Variants in WASL observed in about 807,000 individuals in gnomAD.
WASL encodes the protein WASP like actin nucleation promoting factor, also known as actin nucleation-promoting factor WASL.
In WASL, 20 loss-of-function variants were observed where a neutral mutation model predicts 55.5. The observed-to-expected ratio is 0.36, with a 90% confidence interval of 0.25 to 0.52. The LOEUF is 0.52. Among genes scored for constraint, WASL ranks in the 20% least tolerant of loss-of-function variants. The pLI is 0.92. For missense variants in WASL, 504 were observed against 622.5 expected (o/e 0.81, Z 2.03); for synonymous variants, 249 against 217.6 (o/e 1.14, Z -1.27).
chr7:123,738,851 G>A (rs1178913619), intron 1 of WASL, among the ~76,000 whole-genome samples: 3 of 151,844 alleles, frequency 2.0e-5, no homozygotes, highest in East Asian at 3.9e-4. Flanking sequence ...CACAAAATAC[G>A]GTAACACCAA....
intron 5 of WASL, among the ~76,000 whole-genome samples, chr7:123,702,059 T>C (rs1803599265): frequency 6.6e-6 from 1 of 151,870 alleles, no homozygotes; most frequent in Admixed American, 6.5e-5. Context: ...CTACATTTAA[T>C]TCTTTTTTTT....
In WASL at chr7:123,739,623, T is replaced by C. The variant is rs192049937; in HGVS notation, c.117+8995A>G. Among the ~76,000 whole-genome samples, 489 of 152,314 alleles carry C rather than the reference T, an allele frequency of 3.2e-3. 2 individuals are homozygous for C. Among genetic ancestry groups the C allele is most frequent in the African/African-American group, 0.011 (468 of 41,574 alleles). On this transcript the variant is annotated intron_variant, in intron 1 of 10. Transcript: ENST00000223023. ...GGTTATTGTAAATGTTCTGAGCACA[T>C]TTAAGGAAGGCTAGGCTAAGCTATA...
chr7:123,721,547 G>A (rs555698546), intron 1 of WASL, among the ~76,000 whole-genome samples: 8 of 151,976 alleles, frequency 5.3e-5, no homozygotes, highest in East Asian at 3.9e-4. Flanking sequence ...ACAAACAAAC[G>A]AACAACAACA....
intron 9 of WASL, among the ~76,000 whole-genome samples, chr7:123,689,793 A>T (rs1048695018): frequency 8.5e-6 from 1 of 117,718 alleles, no homozygotes; most frequent in African/African-American, 2.9e-5. Flanking sequence ...GAAAAAAAAA[A>T]TTATAATTAA....
At chr7:123,728,518 T>C (rs1386115859) in intron 1 of WASL, among the ~76,000 whole-genome samples, 3 of 152,096 alleles carry the variant, frequency 2.0e-5, no homozygotes, top group Non-Finnish European at 2.9e-5. Flanking sequence ...TAATGGTATA[T>C]ATCTACTGAC....
At chr7:123,735,381 G>GA (rs35321552) in intron 1 of WASL, among the ~76,000 whole-genome samples, 61,906 of 135,582 alleles carry the variant, frequency 0.46, 13,769 homozygotes, top group South Asian at 0.65. Flanking sequence ...AAAAATGCAG[G>GA]AAAAAAAAAA....
chr7:123,748,678 G>C lies in WASL; in HGVS notation c.57C>G (p.Ser19=). ...PPPRRVTNVG[S]LLLTPQENES... is the part of the protein sequence containing the mutation. ...CGTTCTCCTGCGGGGTGAGCAACAG[G>C]GACCCCACGTTGGTGACCCTCCGCG... The change falls in exon 1 of 11, where the codon TCC becomes TCG. Residue 19 remains serine (S), a synonymous_variant. Transcript: ENST00000223023. 1 of 1,611,464 alleles carries C rather than the reference G, an allele frequency of 6.2e-7. No individual in the cohort carries two copies. The highest frequency in any genetic ancestry group is 8.5e-7 in the Non-Finnish European group (1 of 1,178,858).
At chr7:123,700,208 C>CAA (rs1410787443) in intron 5 of WASL, among the ~76,000 whole-genome samples, 3 of 72,034 alleles carry the variant, frequency 4.2e-5, no homozygotes, top group Non-Finnish European at 8.4e-5. Flanking sequence ...AAAAAAAAAA[C>CAA]AACATTATTT....
At chr7:123,738,874 AGCAAAACAAAAACAAAAAACT>A (rs1031475112) in intron 1 of WASL, among the ~76,000 whole-genome samples, 2 of 152,106 alleles carry the variant, frequency 1.3e-5, no homozygotes, top group African/African-American at 4.8e-5. Context: ...ATAGGTGATG[AGCAAAACAAAAACAAAAAACT>A]GCAAAAAAAA....
chr7:123,694,748 C>T lies in WASL; in HGVS notation c.793G>A (p.Val265Ile). 1 of 1,613,120 alleles carries T rather than the reference C, an allele frequency of 6.2e-7. No individual in the cohort carries two copies. The highest frequency in any genetic ancestry group is 8.5e-7 in the Non-Finnish European group (1 of 1,179,582). The change falls in exon 8 of 11, where the codon GTT becomes ATT. Residue 265 changes from valine (V) to isoleucine (I), a missense_variant. Val to Ile is a conservative substitution (Grantham distance 29). This residue lies in a region of WASL where 17 missense variants were observed against 58.4 expected (regional missense o/e 0.29). Coordinates refer to ENST00000223023, the MANE Select transcript of WASL (RefSeq NM_003941.4). The part of the protein sequence containing the change: ...IYDFIEKTGG[V>I]EAVKNELRRQ... ...CGCAGTTCATTTTTAACAGCTTCAACACCTCCTGTTTTTTCAATAAAGTCA... is the reference window on the plus strand; with the variant it reads ...CGCAGTTCATTTTTAACAGCTTCAATACCTCCTGTTTTTTCAATAAAGTCA...
chr7:123,700,280 G>A (rs1215047722), intron 5 of WASL, among the ~76,000 whole-genome samples: 1 of 150,384 alleles, frequency 6.6e-6, no homozygotes, highest in African/African-American at 2.4e-5. Flanking sequence ...TATTAGATGG[G>A]AAATTAGAGT....
chr7:123,705,997 A>T (rs1465739501), intron 4 of WASL, among the ~76,000 whole-genome samples: 1 of 152,222 alleles, frequency 6.6e-6, no homozygotes, highest in Non-Finnish European at 1.5e-5. Flanking sequence ...TCTAAAAAAA[A>T]TAGTTCTCAA....
intron 10 of WASL, among the ~76,000 whole-genome samples, chr7:123,687,366 T>TA (rs1325027085): frequency 6.6e-6 from 1 of 152,130 alleles, no homozygotes; most frequent in Admixed American, 6.5e-5. Flanking sequence ...ACTGGCCTCC[T>TA]ACTACTTCTT....
In WASL at chr7:123,702,230, A is replaced by G. The variant is rs560981056; in HGVS notation, c.460+2404T>C. Among the ~76,000 whole-genome samples the G allele has an allele frequency of 3.9e-5, 6 of 151,942 alleles. No homozygotes were observed. In the East Asian group the frequency reaches 1.2e-3, roughly 30 times the overall value. ...GCCACCATGCCCAGCTAATTTTTGT[A>G]CTTTTAATAGAGACGGGGTTTCGTT... On this transcript the variant is annotated intron_variant, in intron 5 of 10. Coordinates refer to ENST00000223023, the MANE Select transcript of WASL (RefSeq NM_003941.4).
At chr7:123,745,758 T>C (rs1477672780) in intron 1 of WASL, among the ~76,000 whole-genome samples, 1 of 151,986 alleles carries the variant, frequency 6.6e-6, no homozygotes, top group Non-Finnish European at 1.5e-5. Flanking sequence ...CATACCTAAA[T>C]CTGAGAGCCC....
chr7:123,742,138 G>A lies in WASL; in HGVS notation c.117+6480C>T, dbSNP rs528008782. ...CAGTCACATCTTTTCCTCAAGAGCT[G>A]TGCTTTCTAATATCCAGAGCACAGC... is the stretch of plus-strand genomic sequence containing the variant. On this transcript the variant is annotated intron_variant, in intron 1 of 10. Coordinates refer to ENST00000223023, the MANE Select transcript of WASL (RefSeq NM_003941.4). Among the ~76,000 whole-genome samples the A allele has an allele frequency of 2.0e-5, 3 of 152,314 alleles. No individual in the cohort carries two copies. In the South Asian group the frequency reaches 6.2e-4, roughly 32 times the overall value.
chr7:123,692,266 T>A (rs1803421885), intron 9 of WASL, 81 bp downstream of exon 9: 1 of 1,499,368 alleles, frequency 6.7e-7, no homozygotes, highest in South Asian at 1.3e-5. Context: ...AATACACTTT[T>A]CAAAAATATC....
intron 1 of WASL, among the ~76,000 whole-genome samples, chr7:123,722,485 TC>T (rs1803964880): frequency 1.3e-5 from 2 of 152,178 alleles, no homozygotes; most frequent in African/African-American, 4.8e-5. Context: ...GGTCTCTGTC[TC>T]CAAGATGTTA....
chr7:123,742,047 C>T (rs1456488327), intron 1 of WASL, among the ~76,000 whole-genome samples: 1 of 152,024 alleles, frequency 6.6e-6, no homozygotes, highest in East Asian at 1.9e-4. Flanking sequence ...TACAACTGTC[C>T]ACAACAGAGA....
Sources: allele counts gnomAD v4.1 joint callset (sites outside exome capture counted in the v4.1 genomes callset), GRCh38; gene constraint gnomAD v4.1.1; regional missense constraint gnomAD v4.1.1; transcripts MANE v1.5; gene names NCBI Gene and HGNC (gene_info 2026-07-23, HGNC 2026-07-21).